Variants in TTC29 observed in about 807,000 individuals in gnomAD.
The protein encoded by TTC29 is tetratricopeptide repeat domain 29.
TTC29 carries 49 observed loss-of-function variants against 58.1 expected under a neutral mutation model. The ratio of observed to expected loss-of-function variants is 0.84; its 90% CI spans 0.67 to 1.07. The LOEUF is 1.07. TTC29 is among the 50% of genes least tolerant of loss of function. The pLI, the probability that TTC29 is intolerant of heterozygous loss-of-function variation, is 0.00. For synonymous variants in TTC29, 209 were observed against 196.8 expected (o/e 1.06, Z -0.52); for missense variants, 582 against 555.6 (o/e 1.05, Z -0.48).
intron 11 of TTC29, among the ~76,000 whole-genome samples, chr4:146,778,785 A>C (rs566625661): frequency 6.6e-5 from 10 of 152,134 alleles, no homozygotes; most frequent in Non-Finnish European, 7.4e-5. Flanking sequence ...ACAGGTATAC[A>C]TGGACATACA....
chr4:146,843,352 G>A (rs752568545), intron 8 of TTC29, among the ~76,000 whole-genome samples: 4 of 152,066 alleles, frequency 2.6e-5, no homozygotes, highest in Non-Finnish European at 4.4e-5. Context: ...TTTGCATTCC[G>A]CTGAAACTAC....
chr4:146,839,227 C>T (rs1050058823), intron 8 of TTC29, among the ~76,000 whole-genome samples: 7 of 151,712 alleles, frequency 4.6e-5, no homozygotes, highest in Non-Finnish European at 1.0e-4. Context: ...ACCAAATAAG[C>T]GCTAATATTT....
intron 10 of TTC29, among the ~76,000 whole-genome samples, chr4:146,806,840 AT>A (rs942301505): frequency 1.1e-4 from 16 of 152,266 alleles, no homozygotes; most frequent in Non-Finnish European, 5.9e-5. Flanking sequence ...GAGACAGAAA[AT>A]TAACAAAGAT....
intron 11 of TTC29, among the ~76,000 whole-genome samples, chr4:146,723,454 C>A (rs950661489): frequency 6.6e-6 from 1 of 151,966 alleles, no homozygotes; most frequent in Admixed American, 6.6e-5. Context: ...AAACAATCTA[C>A]AAATGGGAGA....
chr4:146,759,839 A>C lies in TTC29; in HGVS notation c.1330+43618T>G, dbSNP rs141977379. Among the ~76,000 whole-genome samples the C allele has an allele frequency of 3.4e-3, 522 of 152,166 alleles. 5 individuals carry two copies. Among genetic ancestry groups the C allele is most frequent in the Non-Finnish European group, 3.0e-3 (206 of 67,928 alleles). ...CCCATAGCCAACATAACACTGAATG[A>C]GGAAAAGTTGAAAACATTCCCTCTG... On this transcript the variant is annotated intron_variant, in intron 11 of 12. Transcript: ENST00000325106.
At chr4:146,848,312 C>T (rs1167638262) in intron 8 of TTC29, among the ~76,000 whole-genome samples, 1 of 152,128 alleles carries the variant, frequency 6.6e-6, no homozygotes, top group African/African-American at 2.4e-5. Flanking sequence ...AGCTGAAATC[C>T]TGTACTTCCA....
At chr4:146,832,512 T>A (rs772545553) in intron 9 of TTC29, among the ~76,000 whole-genome samples, 6 of 152,128 alleles carry the variant, frequency 3.9e-5, no homozygotes, top group Admixed American at 2.0e-4. Flanking sequence ...ACAGTTTCGC[T>A]CTTGATGCCC....
intron 6 of TTC29, among the ~76,000 whole-genome samples, chr4:146,875,530 G>C (rs1252719424): frequency 6.6e-6 from 1 of 151,910 alleles, no homozygotes; most frequent in Non-Finnish European, 1.5e-5. Context: ...TGTCACTCAG[G>C]CTGGAGTGCA....
chr4:146,716,996 A>G (rs1427504794), intron 11 of TTC29, among the ~76,000 whole-genome samples: 1 of 152,192 alleles, frequency 6.6e-6, no homozygotes, highest in Non-Finnish European at 1.5e-5. Flanking sequence ...GCAGAAATGT[A>G]GGCCGCACTT....
At chr4:146,707,393 G>T in intron 12 of TTC29, 92 bp downstream of exon 12, 1 of 934,530 alleles carries the variant, frequency 1.1e-6, no homozygotes, top group Non-Finnish European at 1.6e-6. Context: ...GCTGGATGAA[G>T]CTCCTCTTTT....
At chr4:146,791,493 C>G (rs1258624753) in intron 11 of TTC29, among the ~76,000 whole-genome samples, 1 of 152,162 alleles carries the variant, frequency 6.6e-6, no homozygotes, top group African/African-American at 2.4e-5. Flanking sequence ...TGTGTGTGTT[C>G]TGACTGCTCC....
chr4:146,943,869 T>A lies in TTC29; in HGVS notation c.-7+1162A>T, dbSNP rs190426076. Among the ~76,000 whole-genome samples, 435 of 152,290 alleles carry A rather than the reference T, an allele frequency of 2.9e-3. 1 individual carries two copies. The highest frequency in any genetic ancestry group is 5.2e-3 in the Non-Finnish European group (351 of 68,018). ...GGTGTTGGTCAGACAGCATTCTCAGTTCCCATGTGAGCTCCAATTTAGACT... is the reference window on the plus strand; with the variant it reads ...GGTGTTGGTCAGACAGCATTCTCAGATCCCATGTGAGCTCCAATTTAGACT... On this transcript the variant is annotated intron_variant, in intron 2 of 12. Transcript: ENST00000325106.
chr4:146,829,181 T>A (rs1460384682), intron 9 of TTC29, among the ~76,000 whole-genome samples: 1 of 152,200 alleles, frequency 6.6e-6, no homozygotes, highest in Non-Finnish European at 1.5e-5. Context: ...GTCCAAAGAA[T>A]GAGAATGAAA....
chr4:146,910,895 T>C (rs1733852831), intron 4 of TTC29, among the ~76,000 whole-genome samples: 1 of 152,090 alleles, frequency 6.6e-6, no homozygotes. Flanking sequence ...TTGCGATCGA[T>C]AGAGGAGAAA....
rs1010014463 is a variant in TTC29 at position 146,937,482 on chromosome 4, A to G, written c.176+112T>C. ...ATTTAATATGAGCTTTAATTTTTAA[A>G]TGCCATGTTCCAATGAAAAAGTATA... On this transcript the variant is annotated intron_variant, in intron 4 of 12. Coordinates refer to ENST00000325106, the MANE Select transcript of TTC29 (RefSeq NM_031956.4). The G allele has an allele frequency of 2.3e-5, 16 of 693,604 alleles. No individual in the cohort carries two copies. The Admixed American group carries it at 2.8e-4, about 12-fold the overall frequency. 43.0% of individuals were successfully genotyped at this position (693,604 alleles called of 1,614,324 possible).
intron 4 of TTC29, among the ~76,000 whole-genome samples, chr4:146,935,559 G>T (rs1288761311): frequency 6.6e-6 from 1 of 152,048 alleles, no homozygotes; most frequent in African/African-American, 2.4e-5. Context: ...TATTTTCCTT[G>T]AGAAGTTCTA....
At chr4:146,732,651 G>C (rs190050112) in intron 11 of TTC29, among the ~76,000 whole-genome samples, 101 of 152,188 alleles carry the variant, frequency 6.6e-4, no homozygotes, top group African/African-American at 1.8e-3. Flanking sequence ...AAGAGGTCAA[G>C]GAAGTGAGAG....
chr4:146,940,334 C>T (rs565876796), intron 2 of TTC29, among the ~76,000 whole-genome samples: 2 of 152,226 alleles, frequency 1.3e-5, no homozygotes, highest in Admixed American at 6.5e-5. Context: ...TTTCTAAAAG[C>T]CTTATCGCTC....
At chr4:146,859,560 T>C (rs1032056988) in intron 8 of TTC29, among the ~76,000 whole-genome samples, 4 of 152,168 alleles carry the variant, frequency 2.6e-5, no homozygotes, top group African/African-American at 9.6e-5. Context: ...TTATCCCTAC[T>C]GGGTTCTATT....
Sources: gnomAD v4.1 joint callset for allele counts (sites outside exome capture counted in the v4.1 genomes callset) on GRCh38, gnomAD v4.1.1 for gene constraint, MANE v1.5 for transcripts, NCBI Gene and HGNC (gene_info 2026-07-23, HGNC 2026-07-21) for gene names.